FCHSD2: variants seen among roughly 807,000 people sequenced by gnomAD.
FCHSD2 encodes the protein F-BAR and double SH3 domains protein 2.
A neutral mutation model predicts 108.1 loss-of-function variants in FCHSD2; 38 were observed. The ratio of observed to expected loss-of-function variants is 0.35; its 90% CI spans 0.27 to 0.46. The LOEUF (loss-of-function observed/expected upper bound fraction) is 0.46, where lower values mean the gene tolerates loss of function less well. Ranked by LOEUF, FCHSD2 falls within the 20% of genes least tolerant of loss-of-function variation. The pLI is 1.00. For synonymous variants in FCHSD2, 279 were observed against 314.7 expected (o/e 0.89, Z 1.20); for missense variants, 751 against 897.8 (o/e 0.84, Z 2.09).
chr11:72,862,593 T>A (rs1369834320), intron 13 of FCHSD2, among the ~76,000 whole-genome samples: 5 of 152,172 alleles, frequency 3.3e-5, no homozygotes, highest in Non-Finnish European at 7.3e-5. Flanking sequence ...CCTAAATAAA[T>A]GGAGAAGTAT....
At chr11:73,018,935 A>C (rs2135436904) in intron 3 of FCHSD2, among the ~76,000 whole-genome samples, 1 of 152,336 alleles carries the variant, frequency 6.6e-6, no homozygotes, top group Admixed American at 6.5e-5. Context: ...TGAGGGTTCA[A>C]TTAAGTCAAG....
At chr11:72,988,007 A>T (rs1181262790) in intron 6 of FCHSD2, among the ~76,000 whole-genome samples, 1 of 152,214 alleles carries the variant, frequency 6.6e-6, no homozygotes, top group East Asian at 1.9e-4. Flanking sequence ...CTTCATGAAT[A>T]CTCACTTACC....
At chr11:72,965,562 A>T (rs4329714) in intron 8 of FCHSD2, among the ~76,000 whole-genome samples, 151,805 of 152,328 alleles carry the variant, frequency 1, 75,642 homozygotes, top group Middle Eastern at 1. Flanking sequence ...CAATATTTTC[A>T]TGTATTTATT....
chr11:72,919,513 C>G (rs1384096369), intron 9 of FCHSD2, among the ~76,000 whole-genome samples: 1 of 152,090 alleles, frequency 6.6e-6, no homozygotes, highest in African/African-American at 2.4e-5. Context: ...AACCTCAGGC[C>G]AAGCCACATA....
intron 8 of FCHSD2, among the ~76,000 whole-genome samples, chr11:72,943,601 T>C (rs557027988): frequency 6.6e-6 from 1 of 152,302 alleles, no homozygotes; most frequent in South Asian, 2.1e-4. Context: ...GAAATGGAAG[T>C]GAGAATTCCC....
intron 10 of FCHSD2, chr11:72,900,149 T>TTG (rs1855497582): frequency 1.5e-6 from 1 of 662,242 alleles, no homozygotes; most frequent in Non-Finnish European, 2.6e-6. Context: ...TCAGGGCCTC[T>TTG]TATACATGTA....
At chr11:72,841,804 A>G (rs1565281673) in intron 17 of FCHSD2, among the ~76,000 whole-genome samples, 1 of 152,134 alleles carries the variant, frequency 6.6e-6, no homozygotes, top group Non-Finnish European at 1.5e-5. Flanking sequence ...CACATTACTG[A>G]TTTTAGTTTA....
chr11:72,872,761 T>C (rs940067592), intron 12 of FCHSD2, among the ~76,000 whole-genome samples: 9 of 152,364 alleles, frequency 5.9e-5, no homozygotes, highest in African/African-American at 2.2e-4. Flanking sequence ...AACGTGTGTG[T>C]ATAAATTTTA....
rs551691933 is a variant in FCHSD2 at position 72,967,042 on chromosome 11, T to C, written c.705+17046A>G. Among the ~76,000 whole-genome samples, 76 of 151,646 alleles carry C rather than the reference T, an allele frequency of 5.0e-4. 2 individuals are homozygous for C. The highest frequency in any genetic ancestry group is 1.6e-3 in the African/African-American group (67 of 41,332). Reference sequence around the variant, plus strand: ...TGAAACCCCATCTCTACTAAAAAAATACAAAAAATTAGCCGGGCCTGGTGG... The same window carrying C: ...TGAAACCCCATCTCTACTAAAAAAACACAAAAAATTAGCCGGGCCTGGTGG... On this transcript the variant is annotated intron_variant, in intron 8 of 19. Coordinates refer to ENST00000409418, the MANE Select transcript of FCHSD2 (RefSeq NM_014824.3).
At chr11:73,077,963 G>A (rs981872915) in intron 3 of FCHSD2, among the ~76,000 whole-genome samples, 2 of 152,010 alleles carry the variant, frequency 1.3e-5, no homozygotes, top group African/African-American at 4.8e-5. Context: ...TAAGAGTGAG[G>A]GCAGTAATGG....
intron 14 of FCHSD2, among the ~76,000 whole-genome samples, chr11:72,846,337 T>C (rs1861141739): frequency 1.3e-5 from 2 of 152,036 alleles, no homozygotes; most frequent in Admixed American, 6.6e-5. Flanking sequence ...CACACCACCA[T>C]GCCTGGCTAA....
At chr11:72,987,434 C>T (rs1291695732) in intron 6 of FCHSD2, among the ~76,000 whole-genome samples, 2 of 152,204 alleles carry the variant, frequency 1.3e-5, no homozygotes, top group Non-Finnish European at 2.9e-5. Context: ...CTTTGAGTTT[C>T]TAATTCTAGG....
intron 8 of FCHSD2, among the ~76,000 whole-genome samples, chr11:72,976,087 C>G (rs888223714): frequency 6.6e-6 from 1 of 152,152 alleles, no homozygotes; most frequent in Admixed American, 6.5e-5. Flanking sequence ...TTGATGAAAT[C>G]AGTTATCTGA....
intron 5 of FCHSD2, among the ~76,000 whole-genome samples, chr11:72,999,833 G>T (rs776732367): frequency 8.4e-4 from 126 of 150,486 alleles, no homozygotes; most frequent in Non-Finnish European, 1.5e-3. Context: ...TTAATTCTCT[G>T]CCCCTACCTT....
chr11:72,867,902 C>G lies in FCHSD2; in HGVS notation c.1271G>C (p.Arg424Pro), dbSNP rs759152034. The change falls in exon 13 of 20, where the codon CGC becomes CCC. Residue 424 changes from arginine (R) to proline (P), a missense_variant. Arg to Pro is a moderately radical substitution (Grantham distance 103). Transcript: ENST00000409418. ...MEELENERWA[R>P]PPAVTSNGTL... The stretch of plus-strand genomic sequence containing the variant: ...GCCATTACTGGTCACTGCAGGAGGG[C>G]GGGCCCATCGCTCATTTTCCAGTTC... 1.2e-6 allele frequency: 2 copies of G among 1,612,310 alleles called. No individual in the cohort carries two copies. The highest frequency in any genetic ancestry group is 2.2e-5 in the South Asian group (2 of 90,492).
intron 8 of FCHSD2, among the ~76,000 whole-genome samples, chr11:72,979,855 G>A (rs1165054260): frequency 6.6e-6 from 1 of 152,130 alleles, no homozygotes; most frequent in African/African-American, 2.4e-5. Context: ...CTGACACAGA[G>A]GGCAACTAGT....
At chr11:72,883,091 C>T (rs1002478905) in intron 12 of FCHSD2, among the ~76,000 whole-genome samples, 20 of 152,114 alleles carry the variant, frequency 1.3e-4, no homozygotes, top group Non-Finnish European at 2.2e-4. Flanking sequence ...GAACAACTGG[C>T]TATCTGTATA....
chr11:72,940,781 C>T (rs1856400966), intron 8 of FCHSD2: 3 of 852,402 alleles, frequency 3.5e-6, no homozygotes, highest in Non-Finnish European at 6.0e-6. Flanking sequence ...CTAAAGTTTG[C>T]CTGAAGCCTT....
At chr11:73,069,556 T>C (rs866867261) in intron 3 of FCHSD2, among the ~76,000 whole-genome samples, 4 of 151,916 alleles carry the variant, frequency 2.6e-5, no homozygotes, top group African/African-American at 9.7e-5. Context: ...CACAGTTAAA[T>C]AGACAATTGG....
Sources: gnomAD v4.1 joint callset for allele counts (sites outside exome capture counted in the v4.1 genomes callset) on GRCh38, gnomAD v4.1.1 for gene constraint, MANE v1.5 for transcripts, NCBI Gene and HGNC (gene_info 2026-07-23, HGNC 2026-07-21) for gene names.